GRIP1: variants seen among roughly 807,000 people sequenced by gnomAD.
GRIP1 encodes the protein glutamate receptor interacting protein 1.
Under a neutral mutation model 129.9 loss-of-function variants are expected in GRIP1, and 45 were observed. The observed-to-expected ratio is 0.35, with a 90% CI of 0.27 to 0.44. The LOEUF (loss-of-function observed/expected upper bound fraction) is 0.44. GRIP1 is among the 20% of genes least tolerant of loss of function. The pLI, the probability that GRIP1 is intolerant of heterozygous loss-of-function variation, is 1.00. For synonymous variants in GRIP1, 530 were observed against 520.8 expected (o/e 1.02, Z -0.24); for missense variants, 1,196 against 1,396.8 (o/e 0.86, Z 2.29).
intron 1 of GRIP1, among the ~76,000 whole-genome samples, chr12:66,846,326 G>A (rs2039814701): frequency 1.3e-5 from 2 of 152,054 alleles, no homozygotes; most frequent in Non-Finnish European, 2.9e-5. Context: ...ACAATCCAGG[G>A]CCTCTTCCAG....
At chr12:66,955,002 T>C (rs769000771) in intron 1 of GRIP1, among the ~76,000 whole-genome samples, 13 of 152,102 alleles carry the variant, frequency 8.5e-5, no homozygotes, top group Non-Finnish European at 1.5e-4. Context: ...CCAAAGGAGA[T>C]GAAGGAGTTA....
At chr12:66,821,643 C>T (rs775507899) in intron 1 of GRIP1, among the ~76,000 whole-genome samples, 2 of 152,154 alleles carry the variant, frequency 1.3e-5, no homozygotes, top group Non-Finnish European at 2.9e-5. Flanking sequence ...GAAATCGAGC[C>T]AATAGTAACT....
chr12:67,000,062 C>T (rs1043206829), intron 1 of GRIP1, among the ~76,000 whole-genome samples: 2 of 152,134 alleles, frequency 1.3e-5, no homozygotes. Context: ...TATGACAGCA[C>T]AAATTTCTGT....
chr12:66,711,053 A>G (rs2035696593), intron 1 of GRIP1, among the ~76,000 whole-genome samples: 1 of 151,806 alleles, frequency 6.6e-6, no homozygotes, highest in Non-Finnish European at 1.5e-5. Context: ...TTCATTCTTC[A>G]TATATGGTGA....
intron 7 of GRIP1, among the ~76,000 whole-genome samples, chr12:66,471,947 T>C (rs1456369679): frequency 6.6e-6 from 1 of 152,206 alleles, no homozygotes; most frequent in East Asian, 1.9e-4. Context: ...TTGTTAGATG[T>C]CAATCTTTTC....
At position 66,361,442 on chromosome 12, in the gene GRIP1, T is replaced by C. The variant is rs75951162; in HGVS notation, c.3013-7879A>G. 2.4e-3 allele frequency among the ~76,000 whole-genome samples: 369 copies of C among 152,320 alleles called. 3 individuals carry two copies. The highest frequency in any genetic ancestry group is 7.5e-3 in the African/African-American group (312 of 41,566). ...CCAACCAAAAAAGTTACACAGTTTT[T>C]AAGATCTGTGGCAGACTTAGGTGCT... On this transcript the variant is annotated intron_variant, in intron 23 of 24. Coordinates refer to ENST00000359742, the MANE Select transcript of GRIP1 (RefSeq NM_001366722.1).
At chr12:66,780,231 GT>G (rs2038112812) in intron 1 of GRIP1, among the ~76,000 whole-genome samples, 1 of 152,200 alleles carries the variant, frequency 6.6e-6, no homozygotes, top group East Asian at 1.9e-4. Context: ...GCAGGAATCA[GT>G]GTTTGTGCAA....
At chr12:66,350,053 C>T (rs916811507) in intron 24 of GRIP1, among the ~76,000 whole-genome samples, 1 of 152,044 alleles carries the variant, frequency 6.6e-6, no homozygotes, top group African/African-American at 2.4e-5. Context: ...TTGCATCCTC[C>T]TTGGCGTTTA....
chr12:66,715,220 C>T (rs2035839200), intron 1 of GRIP1, among the ~76,000 whole-genome samples: 1 of 151,906 alleles, frequency 6.6e-6, no homozygotes, highest in Admixed American at 6.6e-5. Flanking sequence ...CATGACCTGC[C>T]TCCCAGGTTA....
chr12:66,981,435 A>T (rs148392345), intron 1 of GRIP1, among the ~76,000 whole-genome samples: 19 of 152,350 alleles, frequency 1.2e-4, no homozygotes, highest in African/African-American at 4.6e-4. Flanking sequence ...TTTTGAAAGA[A>T]TAACTGGACA....
chr12:66,724,018 T>A (rs982783676), intron 1 of GRIP1, among the ~76,000 whole-genome samples: 1 of 152,138 alleles, frequency 6.6e-6, no homozygotes, highest in African/African-American at 2.4e-5. Flanking sequence ...TGCCATAACA[T>A]CTTGACATGA....
chr12:66,794,793 C>A (rs1592852557), intron 1 of GRIP1, among the ~76,000 whole-genome samples: 1 of 152,176 alleles, frequency 6.6e-6, no homozygotes, highest in African/African-American at 2.4e-5. Context: ...CTAAAAACAC[C>A]ATTACACAGA....
intron 2 of GRIP1, chr12:66,568,824 C>T (rs11176272): frequency 0.034 from 12,192 of 360,478 alleles, 295 homozygotes; most frequent in Middle Eastern, 0.053. Flanking sequence ...CTAATGATGT[C>T]CCAAGGCAAT....
intron 1 of GRIP1, among the ~76,000 whole-genome samples, chr12:66,893,260 A>G (rs1382554391): frequency 6.6e-6 from 1 of 151,540 alleles, no homozygotes; most frequent in Non-Finnish European, 1.5e-5. Context: ...TATTTTTATT[A>G]TTTTTTGAGA....
chr12:66,661,298 C>T (rs1362489531), intron 1 of GRIP1, among the ~76,000 whole-genome samples: 1 of 151,852 alleles, frequency 6.6e-6, no homozygotes, highest in Non-Finnish European at 1.5e-5. Flanking sequence ...AGATTTAAGT[C>T]ATCTAAAATT....
chr12:66,901,656 C>T (rs762253774), intron 1 of GRIP1, among the ~76,000 whole-genome samples: 33 of 152,156 alleles, frequency 2.2e-4, no homozygotes, highest in Non-Finnish European at 3.8e-4. Flanking sequence ...CTTGGATTGA[C>T]CTTTACAATC....
chr12:66,411,136 T>C (rs10878416), intron 15 of GRIP1, among the ~76,000 whole-genome samples: 102,080 of 152,032 alleles, frequency 0.67, 35,981 homozygotes, highest in Non-Finnish European at 0.8. Flanking sequence ...GCACCTGCTC[T>C]GTCAAGCGGC....
chr12:66,940,045 CTTA>C (rs1197202586), intron 1 of GRIP1, among the ~76,000 whole-genome samples: 1 of 151,612 alleles, frequency 6.6e-6, no homozygotes, highest in East Asian at 1.9e-4. Context: ...ACAGCAAAAT[CTTA>C]TTAGTAGAAA....
At chr12:66,528,482 A>G (rs2061339219) in intron 5 of GRIP1, among the ~76,000 whole-genome samples, 1 of 152,146 alleles carries the variant, frequency 6.6e-6, no homozygotes, top group Non-Finnish European at 1.5e-5. Context: ...TGAAATTGTT[A>G]TTATCAATGC....
Sources: gnomAD v4.1 joint callset for allele counts (sites outside exome capture counted in the v4.1 genomes callset) on GRCh38, gnomAD v4.1.1 for gene constraint, MANE v1.5 for transcripts, NCBI Gene and HGNC (gene_info 2026-07-23, HGNC 2026-07-21) for gene names.